The following GARRE1 variants were observed in gnomAD, a reference collection of about 807,000 sequenced individuals.
The protein encoded by GARRE1 is granule associated Rac and RHOG effector protein 1.
A neutral mutation model predicts 103.2 loss-of-function variants in GARRE1; 49 were observed. The observed-to-expected ratio is 0.47, with a 90% CI of 0.38 to 0.60. The LOEUF is 0.60. GARRE1 is among the 20% of genes least tolerant of loss of function. The pLI, the probability that GARRE1 is intolerant of heterozygous loss-of-function variation, is 0.00. For missense variants in GARRE1, 1,199 were observed against 1,370.5 expected, an observed-to-expected ratio of 0.87 and a Z score of 1.98; for synonymous variants, 505 against 532.8, an observed-to-expected ratio of 0.95 and a Z score of 0.72.
chr19:34,299,037 G>A (rs949515503), intron 1 of GARRE1, among the ~76,000 whole-genome samples: 2 of 152,098 alleles, frequency 1.3e-5, no homozygotes, highest in African/African-American at 2.4e-5. Context: ...TCTGTAAACC[G>A]CCTGCCAGCC....
chr19:34,338,524 T>C (rs962690255), intron 8 of GARRE1, among the ~76,000 whole-genome samples: 1 of 151,936 alleles, frequency 6.6e-6, no homozygotes, highest in East Asian at 1.9e-4. Flanking sequence ...GAGGATAGAG[T>C]AGGACTCTGT....
At chr19:34,286,732 A>G (rs1179265697) in intron 1 of GARRE1, among the ~76,000 whole-genome samples, 3 of 150,960 alleles carry the variant, frequency 2.0e-5, no homozygotes, top group African/African-American at 7.3e-5. Context: ...CGATCTCCTG[A>G]CCTCGTGATC....
chr19:34,309,074 C>CT (rs1412295249), intron 2 of GARRE1, among the ~76,000 whole-genome samples: 3 of 121,132 alleles, frequency 2.5e-5, no homozygotes, highest in Non-Finnish European at 6.3e-5. Flanking sequence ...ACTTCTCCCT[C>CT]TTTAAAAAAA....
chr19:34,266,899 T>C (rs889854256), intron 1 of GARRE1, among the ~76,000 whole-genome samples: 10 of 152,124 alleles, frequency 6.6e-5, no homozygotes, highest in African/African-American at 9.7e-5. Flanking sequence ...TGTTTTTTTT[T>C]CCTCCATTTG....
intron 2 of GARRE1, among the ~76,000 whole-genome samples, chr19:34,310,487 C>G (rs554618995): frequency 1.3e-5 from 2 of 152,318 alleles, no homozygotes; most frequent in African/African-American, 4.8e-5. Context: ...GGTGAAATGT[C>G]CAGAGCCAGG....
chr19:34,292,968 CAAAGTG>C (rs1418577862), intron 1 of GARRE1, among the ~76,000 whole-genome samples: 1 of 152,162 alleles, frequency 6.6e-6, no homozygotes, highest in East Asian at 1.9e-4. Flanking sequence ...CTCTGCCTCC[CAAAGTG>C]CTGGGATTAC....
At chr19:34,288,338 CTG>C (rs1035018684) in intron 1 of GARRE1, among the ~76,000 whole-genome samples, 7 of 152,130 alleles carry the variant, frequency 4.6e-5, no homozygotes, top group Admixed American at 6.6e-5. Context: ...TCAAAGGAAA[CTG>C]TGACTCTTCC....
chr19:34,317,160 C>G (rs1259222541), intron 2 of GARRE1, among the ~76,000 whole-genome samples: 1 of 152,228 alleles, frequency 6.6e-6, no homozygotes, highest in Non-Finnish European at 1.5e-5. Context: ...GGAGCCTTTT[C>G]CTTCCCATCC....
At chr19:34,336,879 C>T (rs1003342889) in intron 8 of GARRE1, among the ~76,000 whole-genome samples, 17 of 152,154 alleles carry the variant, frequency 1.1e-4, no homozygotes, top group African/African-American at 4.1e-4. Context: ...TGAATATAAA[C>T]AGTCAGTGCA....
chr19:34,296,200 A>G, intron 1 of GARRE1: 1 of 478,602 alleles, frequency 2.1e-6, no homozygotes, highest in Non-Finnish European at 3.7e-6. Flanking sequence ...GCACAGGAGG[A>G]TCCCCGCCCC....
chr19:34,317,968 G>A (rs532855467), intron 2 of GARRE1, among the ~76,000 whole-genome samples: 81 of 152,336 alleles, frequency 5.3e-4, no homozygotes, highest in Non-Finnish European at 1.0e-3. Context: ...ACAGAGCACT[G>A]GGGGAAGGGC....
chr19:34,274,215 G>A (rs926211231), intron 1 of GARRE1, among the ~76,000 whole-genome samples: 17 of 152,060 alleles, frequency 1.1e-4, no homozygotes, highest in South Asian at 4.2e-4. Context: ...AGATCAGCCT[G>A]ACCAATATGG....
chr19:34,278,718 G>T (rs1272168681), intron 1 of GARRE1, among the ~76,000 whole-genome samples: 1 of 151,910 alleles, frequency 6.6e-6, no homozygotes, highest in Non-Finnish European at 1.5e-5. Flanking sequence ...TGTCACCCAG[G>T]CTGGAGTGCA....
chr19:34,285,698 G>A (rs1319648732), intron 1 of GARRE1, among the ~76,000 whole-genome samples: 1 of 151,052 alleles, frequency 6.6e-6, no homozygotes, highest in African/African-American at 2.4e-5. Flanking sequence ...TTGTTTCATC[G>A]TGTTAGCTAG....
At chr19:34,264,827 T>TATTTACACACAGAATG (rs1386425043) in intron 1 of GARRE1, among the ~76,000 whole-genome samples, 1 of 152,174 alleles carries the variant, frequency 6.6e-6, no homozygotes, top group African/African-American at 2.4e-5. Flanking sequence ...GGCTATGAGG[T>TATTTACACACAGAATG]GTTCTGTGTG....
Position 34,300,320 on chromosome 19 carries a change from A to G in GARRE1, c.-154A>G, listed in dbSNP as rs1056295238. 5 of 732,036 alleles carry G rather than the reference A, an allele frequency of 6.8e-6. No homozygotes were observed. In the South Asian group the frequency reaches 8.4e-5, roughly 12 times the overall value. 45.3% of individuals were successfully genotyped at this position (732,036 alleles called of 1,614,324 possible). ...TATAAACCTGTTGTCTCTCACCTCTACATTGGATCACATGGTCACCTGCCT... is the reference window on the plus strand; with the variant it reads ...TATAAACCTGTTGTCTCTCACCTCTGCATTGGATCACATGGTCACCTGCCT... On this transcript the variant is annotated 5_prime_UTR_variant, in exon 2 of 14. Coordinates refer to ENST00000299505, the MANE Select transcript of GARRE1 (RefSeq NM_014686.5).
intron 2 of GARRE1, among the ~76,000 whole-genome samples, chr19:34,315,462 A>G (rs1568304304): frequency 2.6e-5 from 4 of 152,348 alleles, no homozygotes; most frequent in East Asian, 3.9e-4. Flanking sequence ...CTGTAATCCC[A>G]GCACTTTGGG....
intron 10 of GARRE1, among the ~76,000 whole-genome samples, chr19:34,346,551 G>A (rs950051170): frequency 6.6e-6 from 1 of 152,192 alleles, no homozygotes; most frequent in African/African-American, 2.4e-5. Context: ...TTATCAGTTG[G>A]CCAAAGTCAT....
At chr19:34,338,300 C>T (rs968593241) in intron 8 of GARRE1, among the ~76,000 whole-genome samples, 1 of 152,158 alleles carries the variant, frequency 6.6e-6, no homozygotes, top group Non-Finnish European at 1.5e-5. Flanking sequence ...CTTTGGGAGG[C>T]TGAGGCAGGA....
Sources: gnomAD v4.1 joint callset for allele counts (sites outside exome capture counted in the v4.1 genomes callset) on GRCh38, gnomAD v4.1.1 for gene constraint, MANE v1.5 for transcripts, NCBI Gene and HGNC (gene_info 2026-07-23, HGNC 2026-07-21) for gene names.